The following CCDC150 variants were observed in gnomAD, a reference collection of about 807,000 sequenced individuals.
The protein encoded by CCDC150 is coiled-coil domain containing 150, also known as coiled-coil domain-containing protein 150.
In CCDC150, 151 loss-of-function variants were observed where a neutral mutation model predicts 156.5. The observed-to-expected ratio is 0.97, with a 90% CI of 0.85 to 1.10. CCDC150 has a LOEUF of 1.10. CCDC150 is among the 50% of genes least tolerant of loss of function. CCDC150 has a pLI of 0.00. For missense variants in CCDC150, 1,312 were observed against 1,268.1 expected, an observed-to-expected ratio of 1.03 and a Z score of -0.53; for synonymous variants, 452 against 429.4, an observed-to-expected ratio of 1.05 and a Z score of -0.65.
chr2:196,716,258 A>C (rs1046875901), intron 17 of CCDC150, among the ~76,000 whole-genome samples: 4 of 152,242 alleles, frequency 2.6e-5, no homozygotes, highest in Non-Finnish European at 5.9e-5. Flanking sequence ...TGCACTACTA[A>C]GTATTCACCA....
intron 13 of CCDC150, among the ~76,000 whole-genome samples, chr2:196,684,477 C>A (rs990210363): frequency 1.6e-4 from 24 of 152,106 alleles, no homozygotes; most frequent in Non-Finnish European, 1.6e-4. Context: ...CAGGGTTATA[C>A]CCTGAAGAAT....
At chr2:196,655,718 C>T (rs1038442248) in intron 2 of CCDC150, among the ~76,000 whole-genome samples, 1 of 152,054 alleles carries the variant, frequency 6.6e-6, no homozygotes. Context: ...TGGGGAGATT[C>T]TTATATGAGA....
chr2:196,712,644 G>T (rs755036971), intron 16 of CCDC150, 33 bp from the exon 17 acceptor site: 1 of 1,563,402 alleles, frequency 6.4e-7, no homozygotes, highest in South Asian at 1.2e-5. Context: ...TGGCAGTTGT[G>T]AGGAACAAGT....
chr2:196,641,691 A>G (rs376169084), intron 1 of CCDC150, among the ~76,000 whole-genome samples: 5 of 128,934 alleles, frequency 3.9e-5, no homozygotes, highest in Non-Finnish European at 8.3e-5. Flanking sequence ...CCCCCGCCTC[A>G]TTGCCTATAA....
At chr2:196,683,798 T>C (rs1694977150) in intron 13 of CCDC150, among the ~76,000 whole-genome samples, 1 of 152,108 alleles carries the variant, frequency 6.6e-6, no homozygotes, top group Non-Finnish European at 1.5e-5. Flanking sequence ...TTTGTTAGCA[T>C]ACTATTTTCA....
At chr2:196,665,009 A>G (rs1466279803) in intron 5 of CCDC150, among the ~76,000 whole-genome samples, 1 of 152,230 alleles carries the variant, frequency 6.6e-6, no homozygotes, top group Non-Finnish European at 1.5e-5. Context: ...CAGTTTTCAG[A>G]GCGATGTGTA....
rs181513420 is a variant in CCDC150 at position 196,691,475 on chromosome 2, A to G, written c.1510-3571A>G. ...ATCTAGGAATTTATCTGTTTCTTCT[A>G]TATTTTCTAGTTTATGTACATAGAG... On this transcript the variant is annotated intron_variant, in intron 13 of 27. Transcript: ENST00000389175. Among the ~76,000 whole-genome samples the G allele has an allele frequency of 2.9e-3, 448 of 152,118 alleles. 2 individuals carry two copies. Among genetic ancestry groups the G allele is most frequent in the Middle Eastern group, 0.01 (3 of 294 alleles).
intron 14 of CCDC150, among the ~76,000 whole-genome samples, chr2:196,695,659 C>G (rs889693933): frequency 6.6e-6 from 1 of 151,988 alleles, no homozygotes; most frequent in Non-Finnish European, 1.5e-5. Flanking sequence ...CTGGCTAACA[C>G]GGTGAAACCC....
chr2:196,705,245 T>G (rs1696534517), intron 15 of CCDC150, among the ~76,000 whole-genome samples: 1 of 152,228 alleles, frequency 6.6e-6, no homozygotes, highest in Non-Finnish European at 1.5e-5. Context: ...TGATCCCCCT[T>G]CTAACTGGTG....
intron 7 of CCDC150, among the ~76,000 whole-genome samples, chr2:196,669,281 C>T (rs1559228244): frequency 6.6e-6 from 1 of 152,148 alleles, no homozygotes; most frequent in Non-Finnish European, 1.5e-5. Flanking sequence ...CTGCTCCATG[C>T]TGTGTATTCC....
intron 13 of CCDC150, among the ~76,000 whole-genome samples, chr2:196,680,151 G>T (rs1694735635): frequency 6.6e-6 from 1 of 151,970 alleles, no homozygotes; most frequent in African/African-American, 2.4e-5. Flanking sequence ...AAATTTTGTG[G>T]ATCATACTTT....
intron 26 of CCDC150, 66 bp downstream of exon 26, chr2:196,731,011 C>T (rs1698487391): frequency 1.7e-6 from 2 of 1,174,338 alleles, no homozygotes; most frequent in Non-Finnish European, 2.4e-6. Flanking sequence ...TGAAGCAACC[C>T]AAGTCAATGT....
At chr2:196,705,557 T>G (rs983876339) in intron 15 of CCDC150, among the ~76,000 whole-genome samples, 1 of 152,230 alleles carries the variant, frequency 6.6e-6, no homozygotes, top group Non-Finnish European at 1.5e-5. Context: ...TTAGTTTAAT[T>G]AGATCCCATT....
chr2:196,653,909 C>T (rs372871141), intron 2 of CCDC150, among the ~76,000 whole-genome samples: 30 of 152,248 alleles, frequency 2.0e-4, no homozygotes, highest in African/African-American at 5.8e-4. Context: ...GCACCAGCAT[C>T]GGTTTACCTT....
intron 12 of CCDC150, chr2:196,677,079 A>G (rs1694550458): frequency 1.4e-6 from 1 of 692,814 alleles, no homozygotes; most frequent in Non-Finnish European, 2.7e-6. Context: ...AGGAACCAGC[A>G]GAGTCTGACA....
chr2:196,732,039 G>C lies in CCDC150; in HGVS notation c.3076G>C (p.Ala1026Pro). 6.2e-7 allele frequency: 1 copy of C among 1,613,670 alleles called. No homozygotes were observed. Among genetic ancestry groups the C allele is most frequent in the Middle Eastern group, 1.6e-4 (1 of 6,062 alleles). The change falls in exon 27 of 28, where the codon GCT becomes CCT. Residue 1026 changes from alanine to proline, a missense_variant. Physicochemically the swap from Ala to Pro is conservative, Grantham distance 27. Transcript: ENST00000389175. ...GTGATATTTATATGTTCAGATAACAGCTAATCTGGAAGAAGCTCATCGCTG... is the reference window on the plus strand; with the variant it reads ...GTGATATTTATATGTTCAGATAACACCTAATCTGGAAGAAGCTCATCGCTG... Reference protein sequence around the residue: ...EASVESEQITANLEEAHRWFK... With the variant: ...EASVESEQITPNLEEAHRWFK...
At chr2:196,668,687 C>G (rs139217224) in intron 7 of CCDC150, among the ~76,000 whole-genome samples, 116 of 152,210 alleles carry the variant, frequency 7.6e-4, no homozygotes, top group African/African-American at 2.7e-3. Context: ...TGAATTAAAA[C>G]ATGTAATTGT....
At chr2:196,728,742 G>A (rs190585570) in intron 22 of CCDC150, among the ~76,000 whole-genome samples, 46 of 152,288 alleles carry the variant, frequency 3.0e-4, no homozygotes, top group African/African-American at 1.1e-3. Flanking sequence ...TAATCACAGA[G>A]TAATTGTGTG....
At chr2:196,699,089 C>G (rs1035576282) in intron 14 of CCDC150, among the ~76,000 whole-genome samples, 1 of 152,160 alleles carries the variant, frequency 6.6e-6, no homozygotes, top group Non-Finnish European at 1.5e-5. Flanking sequence ...AAAAATTAAT[C>G]AATGATGAAC....
Sources: gnomAD v4.1 joint callset for allele counts (sites outside exome capture counted in the v4.1 genomes callset) on GRCh38, gnomAD v4.1.1 for gene constraint, MANE v1.5 for transcripts, NCBI Gene and HGNC (gene_info 2026-07-23, HGNC 2026-07-21) for gene names.